SDCCAG8: variants seen among roughly 807,000 people sequenced by gnomAD.
SDCCAG8 encodes the protein serologically defined colon cancer antigen 8.
SDCCAG8 carries 74 observed loss-of-function variants against 101.8 expected under a neutral mutation model. The observed-to-expected ratio is 0.73, with a 90% CI of 0.60 to 0.88. The LOEUF (loss-of-function observed/expected upper bound fraction) is 0.88. Ranked by LOEUF, SDCCAG8 falls within the 40% of genes least tolerant of loss-of-function variation. The pLI, the probability that SDCCAG8 is intolerant of heterozygous loss-of-function variation, is 0.00. For synonymous variants in SDCCAG8, 281 were observed against 292.9 expected (o/e 0.96, Z 0.41); for missense variants, 787 against 822.6 (o/e 0.96, Z 0.53).
At chr1:243,347,263 C>T (rs1305472713) in intron 12 of SDCCAG8, among the ~76,000 whole-genome samples, 1 of 152,122 alleles carries the variant, frequency 6.6e-6, no homozygotes, top group Non-Finnish European at 1.5e-5. Context: ...CATAAATACC[C>T]ATGTGGATCT....
At chr1:243,409,937 A>C (rs1380204881) in intron 13 of SDCCAG8, among the ~76,000 whole-genome samples, 1 of 152,200 alleles carries the variant, frequency 6.6e-6, no homozygotes. Context: ...TGCATAGTCT[A>C]GGCATCTCCC....
At chr1:243,314,510 C>A (rs2073060519) in intron 8 of SDCCAG8, among the ~76,000 whole-genome samples, 1 of 152,188 alleles carries the variant, frequency 6.6e-6, no homozygotes, top group Non-Finnish European at 1.5e-5. Context: ...CATCCTATAG[C>A]AGACTCTTTA....
In SDCCAG8 at chr1:243,275,919, G is replaced by A. The variant is rs1025460345; in HGVS notation, c.420+1263G>A. 6.9e-5 allele frequency among the ~76,000 whole-genome samples: 10 copies of A among 144,304 alleles called. No homozygotes were observed. The East Asian group carries it at 8.2e-4, about 12-fold the overall frequency. The allele number at this position is 144,304 out of a possible 152,430, so 94.7% of individuals were successfully genotyped here. ...TCGCATTGTCGCCAGACTGGAGTGC[G>A]GTGTCACAGTCTCCGCTCACTGCAA... On this transcript the variant is annotated intron_variant, in intron 4 of 17. Coordinates refer to ENST00000366541, the MANE Select transcript of SDCCAG8 (RefSeq NM_006642.5).
chr1:243,430,967 G>C (rs2148056982), intron 16 of SDCCAG8, among the ~76,000 whole-genome samples: 1 of 152,156 alleles, frequency 6.6e-6, no homozygotes, highest in South Asian at 2.1e-4. Context: ...GAGAGGCCGA[G>C]GTGTGTGGAT....
intron 9 of SDCCAG8, among the ~76,000 whole-genome samples, chr1:243,325,077 T>C (rs2074050845): frequency 6.6e-6 from 1 of 152,218 alleles, no homozygotes; most frequent in Non-Finnish European, 1.5e-5. Context: ...ATTTTGGTAG[T>C]TGTTTACACA....
At chr1:243,425,907 G>T (rs1191649316) in intron 15 of SDCCAG8, among the ~76,000 whole-genome samples, 1 of 152,180 alleles carries the variant, frequency 6.6e-6, no homozygotes, top group African/African-American at 2.4e-5. Flanking sequence ...CATCTAAAAA[G>T]CACCCTCACA....
At chr1:243,309,547 A>G (rs951783632) in intron 8 of SDCCAG8, among the ~76,000 whole-genome samples, 1 of 152,168 alleles carries the variant, frequency 6.6e-6, no homozygotes, top group African/African-American at 2.4e-5. Flanking sequence ...CTCCTTTGCC[A>G]AGGCTGGAAT....
chr1:243,370,792 GA>G (rs1466514080), intron 12 of SDCCAG8, among the ~76,000 whole-genome samples: 7 of 150,580 alleles, frequency 4.6e-5, no homozygotes, highest in African/African-American at 9.7e-5. Context: ...ATTATGCAAA[GA>G]AAAAAAAAGT....
chr1:243,491,068 C>T (rs892098492), intron 17 of SDCCAG8, among the ~76,000 whole-genome samples: 1 of 152,196 alleles, frequency 6.6e-6, no homozygotes. Context: ...GGGAGTCTTC[C>T]GTGGAAGCTG....
intron 12 of SDCCAG8, 152 bp downstream of exon 12, chr1:243,344,483 G>C: frequency 1.5e-6 from 1 of 688,876 alleles, no homozygotes; most frequent in Non-Finnish European, 2.6e-6. Flanking sequence ...TTCTTTTATA[G>C]TTGCCTAAAA....
At chr1:243,457,770 C>T (rs953359029) in intron 16 of SDCCAG8, among the ~76,000 whole-genome samples, 11 of 152,170 alleles carry the variant, frequency 7.2e-5, no homozygotes, top group African/African-American at 2.7e-4. Context: ...CAACCTCAAG[C>T]GTACTTTGCA....
At chr1:243,438,420 GCTAGTTAC>G (rs1303041431) in intron 16 of SDCCAG8, among the ~76,000 whole-genome samples, 2 of 151,806 alleles carry the variant, frequency 1.3e-5, no homozygotes, top group African/African-American at 4.8e-5. Context: ...ATTTACATCA[GCTAGTTAC>G]CTTGCAACCT....
intron 1 of SDCCAG8, among the ~76,000 whole-genome samples, chr1:243,256,664 A>G (rs1216363319): frequency 6.6e-6 from 1 of 152,228 alleles, no homozygotes; most frequent in Non-Finnish European, 1.5e-5. Flanking sequence ...TAATTATTTT[A>G]ATCACAAGAG....
At chr1:243,476,042 A>G (rs1662348682) in intron 16 of SDCCAG8, 1 of 985,298 alleles carries the variant, frequency 1.0e-6, no homozygotes, top group Admixed American at 6.1e-5. Flanking sequence ...TTCTAGCTGG[A>G]AGAGTTATGC....
chr1:243,464,410 G>T (rs918239650), intron 16 of SDCCAG8, among the ~76,000 whole-genome samples: 1 of 152,132 alleles, frequency 6.6e-6, no homozygotes, highest in Non-Finnish European at 1.5e-5. Flanking sequence ...GTTAGCATTT[G>T]ATTTGAAAGG....
chr1:243,262,985 AC>A (rs1032669814), intron 1 of SDCCAG8, among the ~76,000 whole-genome samples: 1 of 152,182 alleles, frequency 6.6e-6, no homozygotes, highest in African/African-American at 2.4e-5. Context: ...TAGATATAAC[AC>A]CTATTCCTGA....
chr1:243,257,670 C>G (rs932445851), intron 1 of SDCCAG8, among the ~76,000 whole-genome samples: 1 of 152,098 alleles, frequency 6.6e-6, no homozygotes, highest in South Asian at 2.1e-4. Context: ...TTACATCTGT[C>G]AATTGTGTTA....
Position 243,256,126 on chromosome 1 carries a change from C to G in SDCCAG8, c.-48C>G, listed in dbSNP as rs770523380. 8 of 1,554,724 alleles carry G rather than the reference C, an allele frequency of 5.1e-6. No homozygotes were observed. The highest frequency in any genetic ancestry group is 6.2e-6 in the Non-Finnish European group (7 of 1,125,978). ...CCTGTTGTTCTCGGAAGGGAGAAAG[C>G]TGGACATTTCCCCACGTAACTCCCA... On this transcript the variant is annotated 5_prime_UTR_variant, in exon 1 of 18. Transcript: ENST00000366541.
At chr1:243,347,141 T>C (rs2147800880) in intron 12 of SDCCAG8, among the ~76,000 whole-genome samples, 1 of 152,292 alleles carries the variant, frequency 6.6e-6, no homozygotes, top group Non-Finnish European at 1.5e-5. Flanking sequence ...CTTTGTCATG[T>C]TTTTTCTGCT....
Sources: allele counts gnomAD v4.1 joint callset (sites outside exome capture counted in the v4.1 genomes callset), GRCh38; gene constraint gnomAD v4.1.1; transcripts MANE v1.5; gene names NCBI Gene and HGNC (gene_info 2026-07-23, HGNC 2026-07-21).